The following C4orf36 variants were observed in gnomAD, a reference collection of about 807,000 sequenced individuals.
The protein encoded by C4orf36 is uncharacterized protein C4orf36.
A neutral mutation model predicts 12.2 loss-of-function variants in C4orf36; 11 were observed. The observed-to-expected ratio is 0.90, with a 90% CI of 0.57 to 1.49. The LOEUF (loss-of-function observed/expected upper bound fraction) is 1.49. Among genes scored for constraint, C4orf36 ranks in the 40% most tolerant of loss-of-function variants. The pLI is 0.00. For missense variants in C4orf36, 137 were observed against 133.9 expected (o/e 1.02, Z -0.11); for synonymous variants, 54 against 51.3 (o/e 1.05, Z -0.22).
chr4:86,881,629 G>C (rs879620148), intron 4 of C4orf36, among the ~76,000 whole-genome samples: 17 of 151,784 alleles, frequency 1.1e-4, no homozygotes, highest in Non-Finnish European at 1.2e-4. Context: ...AAATAAGAAT[G>C]CAACAATCAA....
chr4:86,919,593 C>T, the C4orf36 span, among the ~76,000 whole-genome samples: 29 of 151,850 alleles, frequency 1.9e-4, no homozygotes, highest in African/African-American at 5.3e-4. Context: ...CCAAAGTGCT[C>T]GGATTACAGG....
At chr4:86,890,419 ATG>A (rs1184487088) in intron 2 of C4orf36, among the ~76,000 whole-genome samples, 3 of 151,970 alleles carry the variant, frequency 2.0e-5, no homozygotes, top group Non-Finnish European at 4.4e-5. Flanking sequence ...AAAAAGACAT[ATG>A]TGTGTGTATA....
chr4:86,935,289 C>A, the C4orf36 span: 1 of 152,462 alleles, frequency 6.6e-6, no homozygotes, highest in South Asian at 2.1e-4. Context: ...TCCGCCCGGC[C>A]CCCGACGCCG....
At chr4:86,904,155 G>A in the C4orf36 span, among the ~76,000 whole-genome samples, 1 of 152,238 alleles carries the variant, frequency 6.6e-6, no homozygotes, top group Non-Finnish European at 1.5e-5. Flanking sequence ...TAGCCCAGAA[G>A]GAGCTCATCC....
At chr4:86,914,556 C>A in the C4orf36 span, 1 of 412,224 alleles carries the variant, frequency 2.4e-6, no homozygotes, top group Non-Finnish European at 4.4e-6. Context: ...GCCCGCCACA[C>A]CATGCCTGGC....
In C4orf36 at chr4:86,876,406, C is replaced by T. The variant is rs551644666; in HGVS notation, c.*40G>A. On this transcript the variant is annotated 3_prime_UTR_variant, in exon 5 of 5. Coordinates refer to ENST00000295898, the MANE Select transcript of C4orf36 (RefSeq NM_144645.4). ...GCCCAGGAGAAGCAGTTCCCGCCGG[C>T]GCTGCTGAGTTTCTTCATCTACAAT... 1.5e-4 allele frequency: 246 copies of T among 1,611,542 alleles called. 4 individuals are homozygous for T. In the East Asian group the frequency reaches 5.2e-3, roughly 34 times the overall value.
chr4:86,905,839 C>T, the C4orf36 span, among the ~76,000 whole-genome samples: 7 of 152,070 alleles, frequency 4.6e-5, no homozygotes, highest in Admixed American at 1.3e-4. Flanking sequence ...CTCAGCCTCC[C>T]GAGTACCTGG....
At chr4:86,904,252 G>C in the C4orf36 span, among the ~76,000 whole-genome samples, 1 of 152,300 alleles carries the variant, frequency 6.6e-6, no homozygotes, top group Non-Finnish European at 1.5e-5. Context: ...GCCGGCTAGC[G>C]AGCGCCTTGC....
intron 4 of C4orf36, among the ~76,000 whole-genome samples, chr4:86,877,267 A>AT (rs932667571): frequency 3.9e-5 from 6 of 152,230 alleles, no homozygotes; most frequent in African/African-American, 1.4e-4. Flanking sequence ...CTTTTTCCAC[A>AT]TTTTAACCAG....
At position 86,892,315 on chromosome 4, in the gene C4orf36, G is replaced by T; in HGVS notation, c.-206C>A. ...CAGGGGCTCGGAGGGTCGCGGCCGG[G>T]GTACTGAGGTAAGAGCGCGCTGCGC... On this transcript the variant is annotated 5_prime_UTR_variant, in exon 1 of 5. Transcript: ENST00000295898. The T allele has an allele frequency of 1.0e-6, 1 of 985,538 alleles. No individual in the cohort carries two copies. The highest frequency in any genetic ancestry group is 1.2e-6 in the Non-Finnish European group (1 of 830,006). The allele number at this position is 985,538 out of a possible 1,614,324, so 61.0% of individuals were successfully genotyped here.
chr4:86,891,713 C>A, intron 1 of C4orf36, 120 bp from the exon 2 acceptor site: 2 of 954,508 alleles, frequency 2.1e-6, no homozygotes, highest in Non-Finnish European at 2.9e-6. Context: ...ACTGGAACCC[C>A]AAGTGTAAAA....
chr4:86,930,736 T>C, the C4orf36 span, among the ~76,000 whole-genome samples: 1 of 152,348 alleles, frequency 6.6e-6, no homozygotes, highest in Admixed American at 6.5e-5. Flanking sequence ...GGGAGTAGTG[T>C]GTAGCAATGA....
At chr4:86,900,751 T>C in the C4orf36 span, among the ~76,000 whole-genome samples, 21 of 152,158 alleles carry the variant, frequency 1.4e-4, no homozygotes, top group African/African-American at 4.3e-4. Flanking sequence ...AACACCAGGA[T>C]AAAGGCATGC....
intron 4 of C4orf36, among the ~76,000 whole-genome samples, chr4:86,878,414 T>C (rs1170941185): frequency 6.6e-6 from 1 of 152,176 alleles, no homozygotes; most frequent in African/African-American, 2.4e-5. Context: ...CAGAGTGATA[T>C]CAGTAAGGTG....
chr4:86,933,534 T>C, the C4orf36 span: 2 of 152,132 alleles, frequency 1.3e-5, no homozygotes, highest in South Asian at 2.1e-4. Flanking sequence ...AAGAGCCCTA[T>C]AGGAGATACT....
chr4:86,917,836 G>A, the C4orf36 span, among the ~76,000 whole-genome samples: 1 of 151,398 alleles, frequency 6.6e-6, no homozygotes, highest in Admixed American at 6.6e-5. Flanking sequence ...AACCTTTACA[G>A]CATGTTACTG....
the C4orf36 span, chr4:86,914,809 A>G: frequency 6.5e-6 from 3 of 459,560 alleles, no homozygotes; most frequent in South Asian, 1.7e-5. Flanking sequence ...AAACTGGTGC[A>G]GTGACATTAT....
chr4:86,928,914 C>G, the C4orf36 span, among the ~76,000 whole-genome samples: 1 of 151,850 alleles, frequency 6.6e-6, no homozygotes, highest in Non-Finnish European at 1.5e-5. Flanking sequence ...CTCCTTCCCT[C>G]TCCTTCTCTC....
chr4:86,909,056 T>A, the C4orf36 span, among the ~76,000 whole-genome samples: 1 of 152,186 alleles, frequency 6.6e-6, no homozygotes, highest in African/African-American at 2.4e-5. Context: ...AGTTGGGATA[T>A]GCCAATCTCT....
Sources: allele counts gnomAD v4.1 joint callset (sites outside exome capture counted in the v4.1 genomes callset), GRCh38; gene constraint gnomAD v4.1.1; transcripts MANE v1.5; gene names NCBI Gene and HGNC (gene_info 2026-07-23, HGNC 2026-07-21).